Variants in NR4A1 observed in about 807,000 individuals in gnomAD.
NR4A1 encodes the protein nuclear receptor subfamily 4 group A member 1.
NR4A1 carries 24 observed loss-of-function variants against 47.5 expected under a neutral mutation model. The observed-to-expected ratio is 0.50, with a 90% CI of 0.37 to 0.71. The LOEUF is 0.71. Ranked by LOEUF, NR4A1 falls within the 30% of genes least tolerant of loss-of-function variation. The pLI is 0.00. For synonymous variants in NR4A1, 353 were observed against 345.7 expected (o/e 1.02, Z -0.24); for missense variants, 669 against 788.6 (o/e 0.85, Z 1.82).
At chr12:52,045,493 G>C (rs565118366) in intron 2 of NR4A1, 1 of 451,692 alleles carries the variant, frequency 2.2e-6, no homozygotes, top group Admixed American at 2.4e-5. Flanking sequence ...TCCCATGACA[G>C]TGGGGGAGCC....
At position 52,057,273 on chromosome 12, in the gene NR4A1, ACTGT is replaced by A; in HGVS notation, c.1361+18_1361+21del. On this transcript the variant is annotated intron_variant, in intron 5 of 6. Transcript: ENST00000394825. Reference sequence around the variant, plus strand: ...CCTGGCGTACAGGTGAGAGCCACTGACTGTCTGCCCAGCCCCTTTCCCTGATACA... The same window carrying A: ...CCTGGCGTACAGGTGAGAGCCACTGACTGCCCAGCCCCTTTCCCTGATACA... 1.2e-6 allele frequency: 2 copies of A among 1,613,218 alleles called. No individual in the cohort carries two copies. The highest frequency in any genetic ancestry group is 2.2e-5 in the South Asian group (2 of 90,912).
At chr12:52,024,383 T>TC (rs1301081573) in intron 1 of NR4A1, among the ~76,000 whole-genome samples, 1 of 152,222 alleles carries the variant, frequency 6.6e-6, no homozygotes, top group Non-Finnish European at 1.5e-5. Flanking sequence ...TGCCTTTTTT[T>TC]CTCTCTCTCC....
chr12:52,044,794 G>A (rs1053151363), intron 2 of NR4A1, among the ~76,000 whole-genome samples: 1 of 152,202 alleles, frequency 6.6e-6, no homozygotes, highest in Non-Finnish European at 1.5e-5. Context: ...GGCGAGAGGA[G>A]AAGAGAGCTG....
rs777259956 is a variant in NR4A1 at position 52,056,186 on chromosome 12, G to A, written c.1006+27G>A. 7.0e-6 allele frequency: 11 copies of A among 1,575,322 alleles called. No homozygotes were observed. The East Asian group carries it at 1.4e-4, about 19-fold the overall frequency. The stretch of plus-strand genomic sequence containing the variant: ...TGTGTGGCTGGGGTGCGGCCCAGCG[G>A]GGCAAGGGTAGGCTTGAGTGGAGTG... On this transcript the variant is annotated intron_variant, in intron 3 of 6. Coordinates refer to ENST00000394825, the MANE Select transcript of NR4A1 (RefSeq NM_173157.3).
At chr12:52,039,786 C>G (rs1938369925) in intron 1 of NR4A1, among the ~76,000 whole-genome samples, 1 of 152,220 alleles carries the variant, frequency 6.6e-6, no homozygotes, top group South Asian at 2.1e-4. Flanking sequence ...TGAATAAAAT[C>G]AGGCTAGTGT....
chr12:52,037,493 A>G (rs529636840), intron 1 of NR4A1: 2 of 981,586 alleles, frequency 2.0e-6, no homozygotes, highest in African/African-American at 1.8e-5. Flanking sequence ...AGGCCGGGCA[A>G]TCTCGGGTCT....
At chr12:52,032,803 A>G in intron 1 of NR4A1, among the ~76,000 whole-genome samples, 1 of 152,104 alleles carries the variant, frequency 6.6e-6, no homozygotes, top group East Asian at 1.9e-4. Flanking sequence ...GTGTATCTGG[A>G]AAGACAGCTC....
intron 1 of NR4A1, chr12:52,054,001 A>C: frequency 3.5e-6 from 1 of 286,852 alleles, no homozygotes; most frequent in Non-Finnish European, 6.5e-6. Flanking sequence ...AGGGGGCTGG[A>C]GGAACACAGC....
At chr12:52,026,047 A>G (rs976602369) in intron 1 of NR4A1, among the ~76,000 whole-genome samples, 28 of 152,162 alleles carry the variant, frequency 1.8e-4, no homozygotes, top group African/African-American at 6.5e-4. Flanking sequence ...AGGTCGGAAT[A>G]CCCTCACTGG....
Position 52,059,165 on chromosome 12 carries a change from C to T in NR4A1, c.*221C>T, listed in dbSNP as rs1939432203. 3 of 592,654 alleles carry T rather than the reference C, an allele frequency of 5.1e-6. No individual in the cohort carries two copies. The South Asian group carries it at 6.9e-5, about 14-fold the overall frequency. 36.7% of individuals were successfully genotyped at this position (592,654 alleles called of 1,614,324 possible). ...ATTTGTCTTATCCCCCCCAGCCTGG[C>T]CCCGGCCTTTATGTTTTTTGTAAGA... On this transcript the variant is annotated 3_prime_UTR_variant, in exon 7 of 7. Transcript: ENST00000394825.
intron 1 of NR4A1, among the ~76,000 whole-genome samples, chr12:52,032,761 T>C (rs1938154092): frequency 6.6e-6 from 1 of 152,156 alleles, no homozygotes; most frequent in East Asian, 1.9e-4. Context: ...TTTGCACCTT[T>C]TCTTAGGTTC....
Position 52,057,205 on chromosome 12 carries a change from A to G in NR4A1, c.1307A>G (p.Asp436Gly), listed in dbSNP as rs374968155. The change falls in exon 5 of 7, where the codon GAC (aspartate) becomes GGC (glycine). Residue 436 changes from aspartate (D) to glycine (G), a missense_variant. Coordinates refer to ENST00000394825, the MANE Select transcript of NR4A1 (RefSeq NM_173157.3). ...GCTGAGCTGTCACCGGCTGACCAGGACCTGTTGCTGGAGTCGGCCTTCCTG... is the reference window on the plus strand; with the variant it reads ...GCTGAGCTGTCACCGGCTGACCAGGGCCTGTTGCTGGAGTCGGCCTTCCTG... ...GFAELSPADQ[D>G]LLLESAFLEL... The G allele has an allele frequency of 1.0e-4, 168 of 1,613,818 alleles. No individual in the cohort carries two copies. Among genetic ancestry groups the G allele is most frequent in the Non-Finnish European group, 1.3e-4 (155 of 1,179,906 alleles).
At chr12:52,028,795 T>C (rs543436866) in intron 1 of NR4A1, among the ~76,000 whole-genome samples, 1 of 151,840 alleles carries the variant, frequency 6.6e-6, no homozygotes, top group South Asian at 2.1e-4. Context: ...TCCCAGCTAC[T>C]TGGGAGGCTG....
At chr12:52,041,636 C>T (rs1323299754) in intron 1 of NR4A1, among the ~76,000 whole-genome samples, 3 of 152,208 alleles carry the variant, frequency 2.0e-5, no homozygotes, top group Admixed American at 6.5e-5. Flanking sequence ...CCTGGGGCCT[C>T]GGCCCCCAGG....
chr12:52,048,540 G>A (rs1159302947), upstream of NR4A1, among the ~76,000 whole-genome samples: 1 of 152,198 alleles, frequency 6.6e-6, no homozygotes, highest in East Asian at 1.9e-4. Context: ...CTTGCAGTGA[G>A]CCGAGATAGT....
At chr12:52,042,302 G>A (rs1220300857) in intron 2 of NR4A1, among the ~76,000 whole-genome samples, 2 of 152,070 alleles carry the variant, frequency 1.3e-5, no homozygotes, top group Non-Finnish European at 2.9e-5. Context: ...TGGGGCAGAC[G>A]TGGCAGCGGG....
chr12:52,034,332 T>C (rs936672675), intron 1 of NR4A1, among the ~76,000 whole-genome samples: 6 of 152,224 alleles, frequency 3.9e-5, no homozygotes, highest in African/African-American at 1.4e-4. Flanking sequence ...TTTCCATACC[T>C]ATTCTTGTGT....
intron 1 of NR4A1, among the ~76,000 whole-genome samples, chr12:52,052,897 G>A (rs1377979762): frequency 3.3e-5 from 5 of 152,322 alleles, no homozygotes; most frequent in African/African-American, 9.6e-5. Context: ...GGTGCCACTG[G>A]GTGTGTGGGG....
At chr12:52,036,003 C>G (rs1403318502) in intron 1 of NR4A1, among the ~76,000 whole-genome samples, 1 of 152,166 alleles carries the variant, frequency 6.6e-6, no homozygotes, top group African/African-American at 2.4e-5. Flanking sequence ...GTGGCTGGCA[C>G]AGCAGAGCAC....
Sources: allele counts gnomAD v4.1 joint callset (sites outside exome capture counted in the v4.1 genomes callset), GRCh38; gene constraint gnomAD v4.1.1; transcripts MANE v1.5; gene names NCBI Gene and HGNC (gene_info 2026-07-23, HGNC 2026-07-21).